Variants in KIT observed in about 807,000 individuals in gnomAD.
The protein encoded by KIT is KIT proto-oncogene, receptor tyrosine kinase.
KIT carries 16 observed loss-of-function variants against 105.7 expected under a neutral mutation model. The observed-to-expected ratio is 0.15, with a 90% CI of 0.10 to 0.23. The LOEUF is 0.23. Among genes scored for constraint, KIT ranks in the 10% least tolerant of loss-of-function variants. The probability of loss-of-function intolerance (pLI) is 1.00; values close to 1 mark genes in which losing one functional copy is unlikely to be tolerated. For missense variants in KIT, 858 were observed against 1,213.8 expected (o/e 0.71, Z 4.36); for synonymous variants, 438 against 441.1 (o/e 0.99, Z 0.09).
chr4:54,698,043 A>G (rs1207049213), intron 2 of KIT, among the ~76,000 whole-genome samples: 2 of 152,198 alleles, frequency 1.3e-5, no homozygotes, highest in Non-Finnish European at 2.9e-5. Flanking sequence ...GGGAGGGGCA[A>G]TTTGAAGATT....
chr4:54,701,012 C>T (rs1271818992), intron 4 of KIT, among the ~76,000 whole-genome samples: 1 of 152,236 alleles, frequency 6.6e-6, no homozygotes, highest in Non-Finnish European at 1.5e-5. Flanking sequence ...TCCTTGATTT[C>T]AGATGAGAGA....
At position 54,737,288 on chromosome 4, in the gene KIT, T is replaced by C. The variant is rs757702139; in HGVS notation, c.2802+8T>C. On this transcript the variant is annotated splice_region_variant and intron_variant, in intron 20 of 20. Transcript: ENST00000288135. ...TCAGAGAGCACCAATCATGTGAGTA[T>C]ACCCTGGCCAGGCATAGAATCCCCC... 6.4e-7 allele frequency: 1 copy of C among 1,572,130 alleles called. No individual in the cohort carries two copies. Among genetic ancestry groups the C allele is most frequent in the South Asian group, 1.1e-5 (1 of 90,246 alleles).
At chr4:54,703,658 GA>G in intron 4 of KIT, 65 bp from the exon 5 acceptor site, 1 of 1,336,932 alleles carries the variant, frequency 7.5e-7, no homozygotes, top group Non-Finnish European at 1.1e-6. Context: ...ATTTATCTAG[GA>G]AAGATTCTGA....
intron 1 of KIT, among the ~76,000 whole-genome samples, chr4:54,691,195 C>T (rs1330179399): frequency 6.6e-6 from 1 of 151,874 alleles, no homozygotes; most frequent in African/African-American, 2.4e-5. Context: ...AGGAGCCTGT[C>T]CTGTCTTTAT....
rs878853765 is a variant in KIT at position 54,733,181 on chromosome 4, G to A, written c.2473G>A (p.Val825Ile). Reference protein sequence around the residue: ...RDIKNDSNYVVKGNARLPVKW... With the variant: ...RDIKNDSNYVIKGNARLPVKW... ...CATCAAGAATGATTCTAATTATGTG[G>A]TTAAAGGAAACGTGAGTACCCATTC... Residue 825 changes from valine to isoleucine, a missense_variant, in exon 17 of 21, where the codon GTT becomes ATT. Val to Ile is a conservative substitution (Grantham distance 29). Around this residue, in one of 7 missense-constraint regions of KIT, gnomAD observed 63 missense variants for 137.4 expected, o/e 0.46. Transcript: ENST00000288135. The A allele has an allele frequency of 6.2e-6, 10 of 1,612,506 alleles. No homozygotes were observed. Among genetic ancestry groups the A allele is most frequent in the Non-Finnish European group, 8.5e-6 (10 of 1,179,078 alleles).
chr4:54,679,617 C>G (rs1718759009), intron 1 of KIT, among the ~76,000 whole-genome samples: 1 of 152,080 alleles, frequency 6.6e-6, no homozygotes, highest in African/African-American at 2.4e-5. Context: ...GCAAAATGTA[C>G]TGATTTACCC....
At chr4:54,674,639 A>G (rs1205363178) in intron 1 of KIT, among the ~76,000 whole-genome samples, 1 of 152,232 alleles carries the variant, frequency 6.6e-6, no homozygotes, top group Non-Finnish European at 1.5e-5. Context: ...ACTCAGAGGT[A>G]GCTGCTTTTC....
chr4:54,660,672 G>A (rs1478685378), intron 1 of KIT, among the ~76,000 whole-genome samples: 4 of 152,080 alleles, frequency 2.6e-5, no homozygotes, highest in African/African-American at 9.7e-5. Flanking sequence ...TAGTCTCAAT[G>A]AGCCTAGGAA....
chr4:54,719,990 C>T (rs544298279), intron 7 of KIT, among the ~76,000 whole-genome samples: 1 of 152,038 alleles, frequency 6.6e-6, no homozygotes, highest in Non-Finnish European at 1.5e-5. Context: ...AAGAAAGGCA[C>T]CTAGAGTGTG....
At chr4:54,709,900 G>T in intron 7 of KIT, among the ~76,000 whole-genome samples, 1 of 152,230 alleles carries the variant, frequency 6.6e-6, no homozygotes, top group South Asian at 2.1e-4. Flanking sequence ...GTTAGGTAGG[G>T]AAGAGATGCT....
chr4:54,702,332 ATAT>A (rs1479501333), intron 4 of KIT, among the ~76,000 whole-genome samples: 6 of 152,148 alleles, frequency 3.9e-5, no homozygotes, highest in African/African-American at 1.2e-4. Context: ...TGTGTCTAAA[ATAT>A]TATTTCATAA....
At chr4:54,712,517 A>G (rs1284192841) in intron 7 of KIT, among the ~76,000 whole-genome samples, 2 of 151,978 alleles carry the variant, frequency 1.3e-5, no homozygotes, top group Non-Finnish European at 2.9e-5. Context: ...TTCTTTTTTC[A>G]TGCTTCCATT....
chr4:54,671,525 C>CT (rs1309193309), intron 1 of KIT, among the ~76,000 whole-genome samples: 1 of 152,128 alleles, frequency 6.6e-6, no homozygotes, highest in African/African-American at 2.4e-5. Flanking sequence ...AACTCAGCTG[C>CT]TTAAATATAT....
chr4:54,683,523 AC>A (rs1312932654), intron 1 of KIT, among the ~76,000 whole-genome samples: 6 of 152,224 alleles, frequency 3.9e-5, no homozygotes, highest in African/African-American at 1.4e-4. Context: ...CCCAAGTGTA[AC>A]TACCTGCAAA....
intron 6 of KIT, among the ~76,000 whole-genome samples, chr4:54,707,769 G>A (rs2237020): frequency 0.38 from 57,285 of 152,018 alleles, 12,607 homozygotes; most frequent in Non-Finnish European, 0.5. Context: ...AATACTTCAG[G>A]TAAGACATAA....
chr4:54,669,743 A>G (rs967463135), intron 1 of KIT, among the ~76,000 whole-genome samples: 2 of 152,026 alleles, frequency 1.3e-5, no homozygotes, highest in South Asian at 4.2e-4. Flanking sequence ...TTGAGGGGCT[A>G]TCATAGAAAG....
At chr4:54,668,775 ATG>A (rs1336025654) in intron 1 of KIT, among the ~76,000 whole-genome samples, 1 of 152,236 alleles carries the variant, frequency 6.6e-6, no homozygotes, top group Non-Finnish European at 1.5e-5. Context: ...AAACAAGACT[ATG>A]TTAAAAAGAT....
chr4:54,695,810 G>C (rs747976413), intron 2 of KIT, 29 bp downstream of exon 2: 97 of 1,613,664 alleles, frequency 6.0e-5, no homozygotes, highest in Non-Finnish European at 7.0e-5. Context: ...GCAGTGCTGT[G>C]CTTTCAAGAA....
chr4:54,658,054 C>T lies in KIT; in HGVS notation c.40C>T (p.Leu14=), dbSNP rs1297912833. Residue 14 remains leucine, a synonymous_variant, in exon 1 of 21, where the codon CTG becomes TTG. Coordinates refer to ENST00000288135, the MANE Select transcript of KIT (RefSeq NM_000222.3). ...CGGCGCCTGGGATTTTCTCTGCGTTCTGCTCCTACTGCTTCGCGTCCAGAC... is the reference window on the plus strand; with the variant it reads ...CGGCGCCTGGGATTTTCTCTGCGTTTTGCTCCTACTGCTTCGCGTCCAGAC... ...ARGAWDFLCV[L]LLLLRVQTGS... The T allele has an allele frequency of 6.2e-7, 1 of 1,613,748 alleles. No individual in the cohort carries two copies. The highest frequency in any genetic ancestry group is 1.3e-5 in the African/African-American group (1 of 74,900).
Sources: allele counts gnomAD v4.1 joint callset (sites outside exome capture counted in the v4.1 genomes callset), GRCh38; gene constraint gnomAD v4.1.1; regional missense constraint gnomAD v4.1.1; transcripts MANE v1.5; gene names NCBI Gene and HGNC (gene_info 2026-07-23, HGNC 2026-07-21).